VRK2: variants seen among roughly 807,000 people sequenced by gnomAD.
The protein encoded by VRK2 is VRK serine/threonine kinase 2.
VRK2 carries 60 observed loss-of-function variants against 57.6 expected under a neutral mutation model. That is an observed-to-expected ratio of 1.04 (90% CI 0.85 to 1.29). The LOEUF (loss-of-function observed/expected upper bound fraction) is 1.29, where lower values mean the gene tolerates loss of function less well. VRK2 is among the 50% of genes most tolerant of loss of function. The probability of loss-of-function intolerance (pLI) is 0.00; values close to 1 mark genes in which losing one functional copy is unlikely to be tolerated. For missense variants in VRK2, 705 were observed against 588.1 expected, an observed-to-expected ratio of 1.20 and a Z score of -2.06; for synonymous variants, 231 against 199.2, an observed-to-expected ratio of 1.16 and a Z score of -1.35.
At chr2:58,121,981 A>G (rs547707046) in intron 7 of VRK2, among the ~76,000 whole-genome samples, 1 of 152,200 alleles carries the variant, frequency 6.6e-6, no homozygotes, top group African/African-American at 2.4e-5. Flanking sequence ...CTCCAAAAGT[A>G]ATCTGAGGTA....
upstream of VRK2, among the ~76,000 whole-genome samples, chr2:58,045,292 T>G (rs994840525): frequency 4.6e-5 from 7 of 152,248 alleles, no homozygotes; most frequent in East Asian, 1.2e-3. Flanking sequence ...ATTTTGAAGG[T>G]TGAGCCAACA....
chr2:58,131,927 A>C lies in VRK2; in HGVS notation c.796A>C (p.Asn266His). 1 of 1,614,100 alleles carries C rather than the reference A, an allele frequency of 6.2e-7. No homozygotes were observed. Among genetic ancestry groups the C allele is most frequent in the Non-Finnish European group, 8.5e-7 (1 of 1,179,984 alleles). The change falls in exon 9 of 13, where the codon AAT becomes CAT. Residue 266 changes from asparagine to histidine, a missense_variant and splice_region_variant. Asn to His is a moderately conservative substitution (Grantham distance 68). Transcript: ENST00000340157. ...DPVAVQTAKT[N>H]LLDELPQSVL... ...TGTGGCTGTGCAGACTGCTAAAACA[A>C]AGTACAAATTTTCAAGTATTTCATC...
At chr2:58,135,038 A>T (rs1679814647) in intron 9 of VRK2, 103 bp from the exon 10 acceptor site, 2 of 1,245,716 alleles carry the variant, frequency 1.6e-6, no homozygotes, top group Admixed American at 2.2e-5. Context: ...ATTGAAAGTC[A>T]CAATTTTGGT....
intron 1 of VRK2, among the ~76,000 whole-genome samples, chr2:58,017,240 T>C (rs1673613615): frequency 6.6e-6 from 1 of 152,146 alleles, no homozygotes; most frequent in Admixed American, 6.6e-5. Context: ...TGGTAACCTG[T>C]TGTGATGTTG....
At chr2:58,028,940 A>ATG (rs1231702706) in intron 2 of VRK2, among the ~76,000 whole-genome samples, 1 of 130,596 alleles carries the variant, frequency 7.7e-6, no homozygotes, top group African/African-American at 2.9e-5. Flanking sequence ...ATATATATAT[A>ATG]TATTTAGAAG....
chr2:58,094,816 G>T (rs1672891207), intron 7 of VRK2, among the ~76,000 whole-genome samples: 1 of 151,964 alleles, frequency 6.6e-6, no homozygotes, highest in Non-Finnish European at 1.5e-5. Context: ...ACTTTCTGTT[G>T]AATCACACTG....
intron 2 of VRK2, among the ~76,000 whole-genome samples, chr2:58,064,356 C>T (rs1031565390): frequency 6.6e-5 from 10 of 152,078 alleles, no homozygotes; most frequent in Non-Finnish European, 1.3e-4. Context: ...GCCACAGTCA[C>T]CGCAGTCTTC....
At chr2:58,028,488 G>A (rs1416987418) in intron 2 of VRK2, 1 of 152,036 alleles carries the variant, frequency 6.6e-6, no homozygotes, top group Non-Finnish European at 1.5e-5. Flanking sequence ...GTAATGGGAT[G>A]GCTGGGTCAA....
At chr2:58,112,320 A>T (rs1489788052) in intron 7 of VRK2, among the ~76,000 whole-genome samples, 1 of 152,196 alleles carries the variant, frequency 6.6e-6, no homozygotes, top group Non-Finnish European at 1.5e-5. Flanking sequence ...TACTTTGCCC[A>T]GTGATTATTA....
chr2:57,924,687 C>T (rs569564398), intron 1 of VRK2, among the ~76,000 whole-genome samples: 2 of 151,906 alleles, frequency 1.3e-5, no homozygotes, highest in Admixed American at 1.3e-4. Flanking sequence ...CATTTAGATG[C>T]CCTTTACTTC....
intron 1 of VRK2, among the ~76,000 whole-genome samples, chr2:58,017,495 A>G (rs1305782982): frequency 2.0e-5 from 3 of 152,180 alleles, no homozygotes; most frequent in Non-Finnish European, 2.9e-5. Context: ...TTGTAGGGGC[A>G]ATTTTCTCCG....
chr2:58,145,662 A>C (rs1459005688), intron 11 of VRK2, among the ~76,000 whole-genome samples: 3 of 151,844 alleles, frequency 2.0e-5, no homozygotes, highest in Non-Finnish European at 4.4e-5. Context: ...TCTAGGGTAC[A>C]TGTGCACAAC....
chr2:58,008,239 T>C lies in VRK2; in HGVS notation c.-438-17426T>C, dbSNP rs79024801. Among the ~76,000 whole-genome samples the C allele has an allele frequency of 2.4e-3, 364 of 152,136 alleles. 3 individuals are homozygous for C. The highest frequency in any genetic ancestry group is 4.0e-3 in the Non-Finnish European group (272 of 67,952). On this transcript the variant is annotated intron_variant, in intron 1 of 15. Transcript: ENST00000417641. ...TTACACTAGGGTCAAATAAGATCTA[T>C]ATAGTACATGACGCAAAGATGAACT...
chr2:58,094,009 G>T (rs1377194358), intron 7 of VRK2, among the ~76,000 whole-genome samples: 1 of 152,108 alleles, frequency 6.6e-6, no homozygotes, highest in Non-Finnish European at 1.5e-5. Context: ...GCTCTGTTCT[G>T]TTCCATTGGT....
At chr2:58,050,796 A>C (rs1447182623) in intron 2 of VRK2, among the ~76,000 whole-genome samples, 1 of 152,186 alleles carries the variant, frequency 6.6e-6, no homozygotes, top group African/African-American at 2.4e-5. Flanking sequence ...TCCCTATTCA[A>C]ATGCAGAAAA....
At chr2:58,098,886 A>G (rs561950187) in intron 7 of VRK2, among the ~76,000 whole-genome samples, 62 of 152,218 alleles carry the variant, frequency 4.1e-4, no homozygotes, top group African/African-American at 1.3e-3. Flanking sequence ...CTTTAATAAT[A>G]TTATGTTTAT....
intron 7 of VRK2, among the ~76,000 whole-genome samples, chr2:58,120,612 T>G (rs1317399667): frequency 6.6e-6 from 1 of 152,176 alleles, no homozygotes. Context: ...TCCCCTTAGC[T>G]TGACACAACT....
chr2:57,918,833 G>A (rs1416766151), intron 1 of VRK2, among the ~76,000 whole-genome samples: 1 of 152,016 alleles, frequency 6.6e-6, no homozygotes, highest in African/African-American at 2.4e-5. Flanking sequence ...AATTCCATGA[G>A]CCCAGTCTAA....
rs371721531 is a variant in VRK2 at position 57,964,399 on chromosome 2, G to T, written c.-439+56560G>T. Among the ~76,000 whole-genome samples the T allele has an allele frequency of 2.0e-5, 3 of 152,140 alleles. No homozygotes were observed. The East Asian group carries it at 5.8e-4, about 29-fold the overall frequency. ...TTCAGGTTAAGTAGACTGAAGAGGA[G>T]TAGGAAGAGGAGGAGTTGGTCTTGC... is the stretch of plus-strand genomic sequence containing the variant. On this transcript the variant is annotated intron_variant, in intron 1 of 15. Coordinates refer to the VRK2 transcript ENST00000417641.
Sources: gnomAD v4.1 joint callset for allele counts (sites outside exome capture counted in the v4.1 genomes callset) on GRCh38, gnomAD v4.1.1 for gene constraint, MANE v1.5 for transcripts, NCBI Gene and HGNC (gene_info 2026-07-23, HGNC 2026-07-21) for gene names.